The following SLC25A16 variants were observed in gnomAD, a reference collection of about 807,000 sequenced individuals.
SLC25A16 encodes mitochondrial coenzyme A transporter SLC25A16.
SLC25A16 carries 39 observed loss-of-function variants against 41.5 expected under a neutral mutation model. The observed-to-expected ratio is 0.94, with a 90% CI of 0.73 to 1.23. SLC25A16 has a LOEUF of 1.23. Among genes scored for constraint, SLC25A16 ranks in the 50% most tolerant of loss-of-function variants. The pLI is 0.00. For synonymous variants in SLC25A16, 146 were observed against 147.8 expected, an observed-to-expected ratio of 0.99 and a Z score of 0.09; for missense variants, 421 against 426.9, an observed-to-expected ratio of 0.99 and a Z score of 0.12.
At chr10:68,518,824 A>C (rs913995340) in intron 1 of SLC25A16, among the ~76,000 whole-genome samples, 2 of 151,174 alleles carry the variant, frequency 1.3e-5, no homozygotes, top group African/African-American at 4.9e-5. Flanking sequence ...ATAAATAAAT[A>C]AATAAAATGT....
At chr10:68,491,192 G>A (rs2052651314) in intron 6 of SLC25A16, among the ~76,000 whole-genome samples, 1 of 150,972 alleles carries the variant, frequency 6.6e-6, no homozygotes, top group Admixed American at 6.6e-5. Context: ...CCACATTTTA[G>A]TTTGCTATTA....
intron 1 of SLC25A16, among the ~76,000 whole-genome samples, chr10:68,526,529 C>T (rs2053340397): frequency 6.6e-6 from 1 of 152,082 alleles, no homozygotes; most frequent in South Asian, 2.1e-4. Flanking sequence ...CCCCGGGTCC[C>T]CTTATTTCTG....
Position 68,518,541 on chromosome 10 carries a change from C to T in SLC25A16, c.131-1698G>A, listed in dbSNP as rs181561612. 3.5e-3 allele frequency among the ~76,000 whole-genome samples: 533 copies of T among 151,588 alleles called. 4 individuals are homozygous for T. Among genetic ancestry groups the T allele is most frequent in the African/African-American group, 0.012 (504 of 41,350 alleles). On this transcript the variant is annotated intron_variant, in intron 1 of 8. Coordinates refer to ENST00000609923, the MANE Select transcript of SLC25A16 (RefSeq NM_152707.4). ...CTGTAATCGCAGCACTTTGGGAGGC[C>T]GAGGCGGGCAGATCACGAGGTCAGG...
chr10:68,505,909 T>C (rs1039445576), intron 3 of SLC25A16, among the ~76,000 whole-genome samples: 3 of 151,876 alleles, frequency 2.0e-5, no homozygotes, highest in African/African-American at 7.3e-5. Context: ...GGCGGGCGCC[T>C]GTAATTCCAG....
At chr10:68,497,019 G>C (rs1272057352) in intron 4 of SLC25A16, among the ~76,000 whole-genome samples, 1 of 152,156 alleles carries the variant, frequency 6.6e-6, no homozygotes. Flanking sequence ...CAAGGAGAGA[G>C]TAAAGGGAAG....
In SLC25A16 at chr10:68,483,532, A is replaced by G. The variant is rs1184676781; in HGVS notation, c.899T>C (p.Leu300Pro). The G allele has an allele frequency of 6.2e-7, 1 of 1,612,006 alleles. No individual in the cohort carries two copies. Among genetic ancestry groups the G allele is most frequent in the South Asian group, 1.1e-5 (1 of 90,700 alleles). The change falls in exon 9 of 9, where the codon CTC becomes CCC. Residue 300 changes from leucine to proline, a missense_variant. Leu to Pro is a moderately conservative substitution (Grantham distance 98). Coordinates refer to ENST00000609923, the MANE Select transcript of SLC25A16 (RefSeq NM_152707.4). ...GTAATTAAGAGATAAACCACGATAGAGTCCTTTTCGAATTCCATGGTGTCC... is the reference window on the plus strand; with the variant it reads ...GTAATTAAGAGATAAACCACGATAGGGTCCTTTTCGAATTCCATGGTGTCC... ...VYGHHGIRKG[L>P]YRGLSLNYIR...
In SLC25A16 at chr10:68,480,113, T is replaced by C. The variant is rs908394892; in HGVS notation, c.*3319A>G. 11 of 152,104 alleles carry C rather than the reference T, an allele frequency of 7.2e-5. No individual in the cohort carries two copies. Among genetic ancestry groups the C allele is most frequent in the African/African-American group, 2.7e-4 (11 of 41,426 alleles). The allele number at this position is 152,104 out of a possible 1,614,324, so 9.4% of individuals were successfully genotyped here. A position where few individuals can be genotyped will look rare whatever the true frequency, so the allele number is the denominator to read the frequency against. Reference sequence around the variant, plus strand: ...TGAAAACTAGGAGGTATACCTCACTTATCAATCTGGAAACCAGACCACTGT... The same window carrying C: ...TGAAAACTAGGAGGTATACCTCACTCATCAATCTGGAAACCAGACCACTGT... On this transcript the variant is annotated 3_prime_UTR_variant, in exon 9 of 9. Transcript: ENST00000609923.
chr10:68,478,431 T>C lies in SLC25A16; in HGVS notation c.*5001A>G, dbSNP rs940961945. The stretch of plus-strand genomic sequence containing the variant: ...GTAAAGTGTATGCTTGCTATACAAG[T>C]GTGTCAGGTATTATTGATCCAACTC... On this transcript the variant is annotated 3_prime_UTR_variant, in exon 9 of 9. Transcript: ENST00000609923. The C allele has an allele frequency of 6.6e-6, 1 of 152,160 alleles. No individual in the cohort carries two copies. Among genetic ancestry groups the C allele is most frequent in the Non-Finnish European group, 1.5e-5 (1 of 68,032 alleles). The allele number at this position is 152,160 out of a possible 1,614,324, so 9.4% of individuals were successfully genotyped here. A position where few individuals can be genotyped will look rare whatever the true frequency, so the allele number is the denominator to read the frequency against.
At chr10:68,503,007 G>A (rs930768390) in intron 4 of SLC25A16, 9 of 151,076 alleles carry the variant, frequency 6.0e-5, no homozygotes, top group African/African-American at 1.9e-4. Context: ...AGAAGAGAGG[G>A]AAAGGAAAGG....
chr10:68,509,845 C>T (rs2053030038), intron 2 of SLC25A16, among the ~76,000 whole-genome samples: 1 of 151,702 alleles, frequency 6.6e-6, no homozygotes, highest in Non-Finnish European at 1.5e-5. Context: ...CTAATCCCAG[C>T]ACTTTGGGAG....
intron 4 of SLC25A16, chr10:68,496,643 C>CT: frequency 1.0e-6 from 1 of 980,690 alleles, no homozygotes; most frequent in Admixed American, 6.2e-5. Flanking sequence ...CAAAGTCAGA[C>CT]TTTTTTCTCT....
At chr10:68,512,617 C>T (rs1183732918) in intron 2 of SLC25A16, among the ~76,000 whole-genome samples, 2 of 63,214 alleles carry the variant, frequency 3.2e-5, no homozygotes, top group Non-Finnish European at 5.1e-5. Flanking sequence ...CCAGCCTGGG[C>T]AACAGAGCGA....
chr10:68,527,316 C>G lies in SLC25A16; in HGVS notation c.60G>C (p.Pro20=), dbSNP rs936925241. 6.5e-7 allele frequency: 1 copy of G among 1,542,660 alleles called. No individual in the cohort carries two copies. The highest frequency in any genetic ancestry group is 1.2e-5 in the South Asian group (1 of 83,758). ...TGGGCCCTCCGGCCCCTGCCGCCTG[C>G]GGCATTGCGGGAGGGGGATCGGCCG... is the stretch of plus-strand genomic sequence containing the variant. ...LAAADPPPAM[P]QAAGAGGPTT... Residue 20 remains proline, a synonymous_variant, in exon 1 of 9, where the codon CCG becomes CCC. Transcript: ENST00000609923.
rs190751373 is a variant in SLC25A16, at chr10:68,502,974, G to T, written c.421+658C>A. On this transcript the variant is annotated intron_variant, in intron 4 of 8. Transcript: ENST00000609923. ...GGGGGAGGGGAGGGGAAAGGAGAGTGGAGAGGAGAGGGAAGAGGAGAGAGA... is the reference window on the plus strand; with the variant it reads ...GGGGGAGGGGAGGGGAAAGGAGAGTTGAGAGGAGAGGGAAGAGGAGAGAGA... Among the ~76,000 whole-genome samples the T allele has an allele frequency of 2.3e-3, 333 of 144,536 alleles. 10 individuals are homozygous for T. The highest frequency in any genetic ancestry group is 8.3e-3 in the African/African-American group (320 of 38,650). 94.8% of individuals were successfully genotyped at this position (144,536 alleles called of 152,430 possible). A position where few individuals can be genotyped will look rare whatever the true frequency, so the allele number is the denominator to read the frequency against.
intron 2 of SLC25A16, among the ~76,000 whole-genome samples, chr10:68,511,093 C>T (rs2795877): frequency 0.077 from 11,632 of 151,842 alleles, 651 homozygotes; most frequent in African/African-American, 0.15. Context: ...TAAAAATTAG[C>T]GGGGCTTGGT....
chr10:68,521,488 C>T (rs2133599925), intron 1 of SLC25A16, among the ~76,000 whole-genome samples: 1 of 152,058 alleles, frequency 6.6e-6, no homozygotes, highest in African/African-American at 2.4e-5. Context: ...GAGATGGTGC[C>T]ACTGCACCCA....
chr10:68,508,714 A>G (rs184816309), intron 2 of SLC25A16, among the ~76,000 whole-genome samples: 1 of 151,226 alleles, frequency 6.6e-6, no homozygotes, highest in Non-Finnish European at 1.5e-5. Context: ...GGGAAACTCC[A>G]TCTCAAAAAA....
intron 1 of SLC25A16, among the ~76,000 whole-genome samples, chr10:68,521,743 G>A (rs1016499242): frequency 2.0e-5 from 3 of 151,080 alleles, no homozygotes; most frequent in Non-Finnish European, 4.4e-5. Flanking sequence ...ACAGGCGCCC[G>A]CCACTACGCC....
Position 68,482,340 on chromosome 10 carries a change from T to C in SLC25A16, c.*1092A>G, listed in dbSNP as rs1402455861. ...ATCATAAAAAGTACTCTAAACAGAA[T>C]AAATGGAATTCTTACATTTTAAAAC... On this transcript the variant is annotated 3_prime_UTR_variant, in exon 9 of 9. Transcript: ENST00000609923. 1 of 152,468 alleles carries C rather than the reference T, an allele frequency of 6.6e-6. No homozygotes were observed. The highest frequency in any genetic ancestry group is 1.9e-4 in the East Asian group (1 of 5,202). 9.4% of individuals were successfully genotyped at this position (152,468 alleles called of 1,614,324 possible).
Sources: gnomAD v4.1 joint callset for allele counts (sites outside exome capture counted in the v4.1 genomes callset) on GRCh38, gnomAD v4.1.1 for gene constraint, MANE v1.5 for transcripts, NCBI Gene and HGNC (gene_info 2026-07-23, HGNC 2026-07-21) for gene names.